Variants in ANGPT4 observed in about 807,000 individuals in gnomAD.
ANGPT4 encodes the protein angiopoietin 4.
ANGPT4 carries 50 observed loss-of-function variants against 53.0 expected under a neutral mutation model. The ratio of observed to expected loss-of-function variants is 0.94; its 90% CI spans 0.75 to 1.20. ANGPT4 has a LOEUF of 1.20. Among genes scored for constraint, ANGPT4 ranks in the 50% most tolerant of loss-of-function variants. The pLI is 0.00. For synonymous variants in ANGPT4, 251 were observed against 259.7 expected, an observed-to-expected ratio of 0.97 and a Z score of 0.32; for missense variants, 648 against 637.1, an observed-to-expected ratio of 1.02 and a Z score of -0.18.
chr20:912,560 G>C (rs1472862928), intron 1 of ANGPT4, among the ~76,000 whole-genome samples: 1 of 152,194 alleles, frequency 6.6e-6, no homozygotes, highest in African/African-American at 2.4e-5. Flanking sequence ...CCAGGAGCTG[G>C]CTCCAGATGG....
chr20:884,716 C>T (rs1405728703), intron 4 of ANGPT4, among the ~76,000 whole-genome samples: 1 of 152,042 alleles, frequency 6.6e-6, no homozygotes, highest in Non-Finnish European at 1.5e-5. Context: ...AAACTGAGGC[C>T]CAGGGAGGGG....
At chr20:882,519 T>C (rs949647827) in intron 4 of ANGPT4, among the ~76,000 whole-genome samples, 1 of 152,074 alleles carries the variant, frequency 6.6e-6, no homozygotes, top group African/African-American at 2.4e-5. Flanking sequence ...TGCTCTCATG[T>C]CACAAATGAG....
At chr20:907,981 G>A (rs552351616) in intron 1 of ANGPT4, among the ~76,000 whole-genome samples, 16 of 152,304 alleles carry the variant, frequency 1.1e-4, no homozygotes, top group Admixed American at 9.8e-4. Flanking sequence ...CACAAAGGCC[G>A]AGCATTACTC....
intron 6 of ANGPT4, among the ~76,000 whole-genome samples, chr20:879,344 C>G (rs1981298160): frequency 6.6e-6 from 1 of 152,060 alleles, no homozygotes; most frequent in African/African-American, 2.4e-5. Flanking sequence ...ATCTTTGGGC[C>G]TGCAATTCCT....
At chr20:874,574 C>CCCGTCCTGGATTG (rs1344039115) in intron 7 of ANGPT4, among the ~76,000 whole-genome samples, 160 bp from the exon 8 acceptor site, 2 of 152,168 alleles carry the variant, frequency 1.3e-5, no homozygotes, top group African/African-American at 4.8e-5. Context: ...TGGGCTGTTT[C>CCCGTCCTGGATTG]CCTTCCTGGA....
At position 914,629 on chromosome 20, in the gene ANGPT4, C is replaced by T. The variant is rs1438970963; in HGVS notation, c.309+1277G>A. 6.6e-6 allele frequency among the ~76,000 whole-genome samples: 1 copy of T among 152,064 alleles called. No individual in the cohort carries two copies. The highest frequency in any genetic ancestry group is 1.5e-5 in the Non-Finnish European group (1 of 68,004). Reference sequence around the variant, plus strand: ...TGTCAAGCTTGTCTGCTGTTTAATACCTTCTAAAACTCCAGGAATTAGTTC... The same window carrying T: ...TGTCAAGCTTGTCTGCTGTTTAATATCTTCTAAAACTCCAGGAATTAGTTC... On this transcript the variant is annotated intron_variant, in intron 1 of 8. Coordinates refer to ENST00000381922, the MANE Select transcript of ANGPT4 (RefSeq NM_015985.4). This position sits in a 1 kb window ranked among gnomAD's most constrained non-coding sequence, Gnocchi z 5.0.
chr20:873,117 C>G lies in ANGPT4; in HGVS notation c.1355G>C (p.Trp452Ser). The G allele has an allele frequency of 6.2e-7, 1 of 1,613,618 alleles. No homozygotes were observed. Among genetic ancestry groups the G allele is most frequent in the Non-Finnish European group, 8.5e-7 (1 of 1,179,900 alleles). Residue 452 changes from tryptophan to serine, a missense_variant, in exon 9 of 9, where the codon TGG becomes TCG. Coordinates refer to ENST00000381922, the MANE Select transcript of ANGPT4 (RefSeq NM_015985.4). ...CKCAQVMSGGWWFDACGLSNL... is the reference protein window; with the variant it reads ...CKCAQVMSGGSWFDACGLSNL... ...TGACAGGCCACAGGCGTCAAACCAC[C>G]ACCCTGGTGGAAGAGGGAGGACAGG...
chr20:909,905 G>T (rs578123894), intron 1 of ANGPT4, among the ~76,000 whole-genome samples: 6 of 152,188 alleles, frequency 3.9e-5, no homozygotes, highest in Non-Finnish European at 8.8e-5. Flanking sequence ...GCTGCCTGAG[G>T]CCCTACCTGA....
chr20:882,622 C>A (rs890425237), intron 4 of ANGPT4, among the ~76,000 whole-genome samples: 2 of 152,152 alleles, frequency 1.3e-5, no homozygotes, highest in African/African-American at 2.4e-5. Flanking sequence ...CCCCTCAGCT[C>A]CCCACAGGGA....
chr20:878,166 T>C lies in ANGPT4; in HGVS notation c.1215A>G (p.Leu405=), dbSNP rs200193342. The part of the protein sequence containing the change: ...EHFHLGSENQ[L]YRLSVVGYSG... Reference sequence around the variant, plus strand: ...GGCCTGGGCCCCGAACCCACCTGTATAGCTGGTTCTCACTGCCCAGGTGGA... The same window carrying C: ...GGCCTGGGCCCCGAACCCACCTGTACAGCTGGTTCTCACTGCCCAGGTGGA... Residue 405 remains leucine, a synonymous_variant, in exon 7 of 9, where the codon CTA becomes CTG. Transcript: ENST00000381922. 58 of 1,595,992 alleles carry C rather than the reference T, an allele frequency of 3.6e-5. No individual in the cohort carries two copies. In the East Asian group the frequency reaches 1.1e-3, roughly 30 times the overall value.
At chr20:873,465 C>G (rs1981032281) in intron 8 of ANGPT4, among the ~76,000 whole-genome samples, 5 of 149,004 alleles carry the variant, frequency 3.4e-5, no homozygotes, top group Admixed American at 1.3e-4. Flanking sequence ...TCACTGCTTT[C>G]TAGTGGTCTC....
rs1047545770 is a variant in ANGPT4 at position 885,067 on chromosome 20, C to A, written c.835+11G>T. On this transcript the variant is annotated intron_variant, in intron 4 of 8. Coordinates refer to ENST00000381922, the MANE Select transcript of ANGPT4 (RefSeq NM_015985.4). ...TCTTTAGCCACACTGGGGCGCACAC[C>A]GCTCACTCACCCGGGGCCGAGGCGT... 3.1e-6 allele frequency: 5 copies of A among 1,613,356 alleles called. No individual in the cohort carries two copies. Among genetic ancestry groups the A allele is most frequent in the Admixed American group, 3.3e-5 (2 of 59,988 alleles).
chr20:902,216 A>G (rs1354987964), intron 1 of ANGPT4, among the ~76,000 whole-genome samples: 2 of 152,136 alleles, frequency 1.3e-5, no homozygotes, highest in African/African-American at 4.8e-5. Flanking sequence ...GTAGAATGAG[A>G]GTGTATACAG....
chr20:914,864 G>GA lies in ANGPT4; in HGVS notation c.309+1041dup, dbSNP rs2122147358. ...GTACACAATAGGTGCTCACACTGCTGAAAGACGAAAGCATGACAGGGCATT... is the reference window on the plus strand; with the variant it reads ...GTACACAATAGGTGCTCACACTGCTGAAAAGACGAAAGCATGACAGGGCATT... On this transcript the variant is annotated intron_variant, in intron 1 of 8. Coordinates refer to ENST00000381922, the MANE Select transcript of ANGPT4 (RefSeq NM_015985.4). This position sits in a 1 kb window ranked among gnomAD's most constrained non-coding sequence, Gnocchi z 5.0. Among the ~76,000 whole-genome samples the GA allele has an allele frequency of 6.6e-6, 1 of 152,252 alleles. No individual in the cohort carries two copies. The highest frequency in any genetic ancestry group is 2.1e-4 in the South Asian group (1 of 4,826).
chr20:913,138 G>GTGATGA (rs748447358), intron 1 of ANGPT4, among the ~76,000 whole-genome samples: 18 of 152,138 alleles, frequency 1.2e-4, no homozygotes, highest in Non-Finnish European at 2.4e-4. Flanking sequence ...GGTGATGATG[G>GTGATGA]TGATGATGAT....
intron 3 of ANGPT4, among the ~76,000 whole-genome samples, 164 bp from the exon 4 acceptor site, chr20:885,489 G>A (rs376226150): frequency 2.0e-4 from 30 of 152,326 alleles, no homozygotes; most frequent in African/African-American, 7.2e-4. Context: ...GGAGAAAAGA[G>A]ATACCCGGCC....
At chr20:909,591 C>T (rs1180924892) in intron 1 of ANGPT4, among the ~76,000 whole-genome samples, 1 of 152,218 alleles carries the variant, frequency 6.6e-6, no homozygotes, top group African/African-American at 2.4e-5. Context: ...CTGCCAGGCC[C>T]TGTACTGAGC....
chr20:909,834 G>T (rs1982630336), intron 1 of ANGPT4, among the ~76,000 whole-genome samples: 1 of 152,252 alleles, frequency 6.6e-6, no homozygotes, highest in Non-Finnish European at 1.5e-5. Context: ...AATGGGGTGT[G>T]TAATTGTGGG....
At chr20:909,376 C>G (rs1395222249) in intron 1 of ANGPT4, among the ~76,000 whole-genome samples, 2 of 152,150 alleles carry the variant, frequency 1.3e-5, no homozygotes, top group African/African-American at 4.8e-5. Context: ...TCACAGCAAA[C>G]CCAGGCGATG....
Sources: gnomAD v4.1 joint callset for allele counts (sites outside exome capture counted in the v4.1 genomes callset) on GRCh38, gnomAD v4.1.1 for gene constraint, Gnocchi (gnomAD v3.1) non-coding constraint, MANE v1.5 for transcripts, NCBI Gene and HGNC (gene_info 2026-07-23, HGNC 2026-07-21) for gene names.